Variants in LRRC1 observed in about 807,000 individuals in gnomAD.
LRRC1 encodes the protein leucine-rich repeat-containing protein 1.
A neutral mutation model predicts 69.9 loss-of-function variants in LRRC1; 28 were observed. The ratio of observed to expected loss-of-function variants is 0.40; its 90% CI spans 0.30 to 0.55. LRRC1 has a LOEUF of 0.55. Among genes scored for constraint, LRRC1 ranks in the 20% least tolerant of loss-of-function variants. The pLI, the probability that LRRC1 is intolerant of heterozygous loss-of-function variation, is 0.47. For synonymous variants in LRRC1, 236 were observed against 240.2 expected (o/e 0.98, Z 0.16); for missense variants, 498 against 609.0 (o/e 0.82, Z 1.92).
In LRRC1 at chr6:53,896,766, A is replaced by T. The variant is rs1020203167; in HGVS notation, c.504-63A>T. 1.3e-5 allele frequency: 14 copies of T among 1,085,588 alleles called. No homozygotes were observed. In the Admixed American group the frequency reaches 2.3e-4, roughly 18 times the overall value. The allele number at this position is 1,085,588 out of a possible 1,614,324, so 67.2% of individuals were successfully genotyped here. A position where few individuals can be genotyped will look rare whatever the true frequency, so the allele number is the denominator to read the frequency against. ...TTTTTGAAGCTAGTCCAAGTGAGGG[A>T]TACTATATTGCTCAGCATTTCTAAG... On this transcript the variant is annotated intron_variant, in intron 5 of 13. Coordinates refer to ENST00000370888, the MANE Select transcript of LRRC1 (RefSeq NM_018214.5).
intron 1 of LRRC1, among the ~76,000 whole-genome samples, chr6:53,811,062 G>GAA: frequency 6.6e-6 from 1 of 152,314 alleles, no homozygotes; most frequent in East Asian, 1.9e-4. Flanking sequence ...GTTAATCACA[G>GAA]AAATGCTCAA....
At chr6:53,834,748 C>T (rs1032542924) in intron 1 of LRRC1, among the ~76,000 whole-genome samples, 7 of 152,208 alleles carry the variant, frequency 4.6e-5, no homozygotes, top group Non-Finnish European at 8.8e-5. Flanking sequence ...CCGAGGCAGG[C>T]GGATCACGAG....
chr6:53,800,128 G>A (rs1764427127), intron 1 of LRRC1, among the ~76,000 whole-genome samples: 1 of 151,776 alleles, frequency 6.6e-6, no homozygotes, highest in Non-Finnish European at 1.5e-5. Context: ...GGGTTATAGA[G>A]TTATTAAAGA....
At chr6:53,826,309 A>G (rs1489089778) in intron 1 of LRRC1, among the ~76,000 whole-genome samples, 1 of 151,260 alleles carries the variant, frequency 6.6e-6, no homozygotes, top group Non-Finnish European at 1.5e-5. Context: ...TACAACCTAG[A>G]GCCTAATTTT....
chr6:53,867,399 A>G (rs1352878572), intron 2 of LRRC1, among the ~76,000 whole-genome samples: 1 of 151,252 alleles, frequency 6.6e-6, no homozygotes. Flanking sequence ...TTATATTGCT[A>G]AACTATAGAT....
chr6:53,876,685 T>G (rs1022265153), intron 2 of LRRC1, among the ~76,000 whole-genome samples: 1 of 152,180 alleles, frequency 6.6e-6, no homozygotes, highest in Non-Finnish European at 1.5e-5. Flanking sequence ...GGTCAAATCT[T>G]AAAGCTCCAA....
At chr6:53,901,875 A>G (rs961709282) in intron 8 of LRRC1, among the ~76,000 whole-genome samples, 2 of 152,096 alleles carry the variant, frequency 1.3e-5, no homozygotes, top group African/African-American at 4.8e-5. Context: ...GCCTTTCGGT[A>G]TTTTTCTTTC....
At chr6:53,876,878 G>GC (rs1767087079) in intron 2 of LRRC1, among the ~76,000 whole-genome samples, 1 of 152,166 alleles carries the variant, frequency 6.6e-6, no homozygotes, top group Non-Finnish European at 1.5e-5. Context: ...ATCTGTTGGT[G>GC]GATCTACCAT....
intron 2 of LRRC1, among the ~76,000 whole-genome samples, chr6:53,864,158 C>G (rs968584288): frequency 2.6e-5 from 4 of 152,116 alleles, no homozygotes; most frequent in African/African-American, 4.8e-5. Flanking sequence ...AATGATCCCC[C>G]CTCTGGGTGA....
chr6:53,855,598 G>A (rs1254094606), intron 2 of LRRC1, among the ~76,000 whole-genome samples: 1 of 152,204 alleles, frequency 6.6e-6, no homozygotes, highest in Non-Finnish European at 1.5e-5. Context: ...TACATTGAAT[G>A]TGCTGCCTGT....
Position 53,904,632 on chromosome 6 carries a change from A to G in LRRC1, c.990+170A>G, listed in dbSNP as rs527945952. On this transcript the variant is annotated intron_variant, in intron 10 of 13. Coordinates refer to ENST00000370888, the MANE Select transcript of LRRC1 (RefSeq NM_018214.5). ...ACTGGAGGAATTATGTCAAAGAATG[A>G]TCATCAGTAACATTAAGGAGAGTTG... 1.9e-4 allele frequency: 82 copies of G among 435,684 alleles called. 1 individual carries two copies. The South Asian group carries it at 3.3e-3, about 17-fold the overall frequency. The allele number at this position is 435,684 out of a possible 1,614,324, so 27.0% of individuals were successfully genotyped here.
intron 1 of LRRC1, among the ~76,000 whole-genome samples, chr6:53,816,866 C>G (rs1764965934): frequency 6.6e-6 from 1 of 152,202 alleles, no homozygotes; most frequent in Non-Finnish European, 1.5e-5. Flanking sequence ...TCTCTTCCCC[C>G]TTTAAAACAT....
intron 2 of LRRC1, among the ~76,000 whole-genome samples, chr6:53,862,797 G>C (rs1395164305): frequency 6.6e-6 from 1 of 152,018 alleles, no homozygotes; most frequent in Non-Finnish European, 1.5e-5. Flanking sequence ...ATGATAAATG[G>C]GATGCATTTG....
At chr6:53,883,119 T>G (rs997049266) in intron 4 of LRRC1, 143 bp downstream of exon 4, 4 of 590,964 alleles carry the variant, frequency 6.8e-6, no homozygotes, top group Non-Finnish European at 5.8e-6. Context: ...CAAGAAAGAT[T>G]ATAGCCAGCC....
At chr6:53,810,999 T>A (rs1764777160) in intron 1 of LRRC1, among the ~76,000 whole-genome samples, 1 of 152,224 alleles carries the variant, frequency 6.6e-6, no homozygotes, top group Non-Finnish European at 1.5e-5. Context: ...TATCAACTTA[T>A]CATCAGGGAC....
chr6:53,836,117 C>T (rs1765606721), intron 1 of LRRC1, among the ~76,000 whole-genome samples: 1 of 152,166 alleles, frequency 6.6e-6, no homozygotes, highest in Non-Finnish European at 1.5e-5. Flanking sequence ...GGACAGAGGC[C>T]TTGTGGAGCA....
intron 10 of LRRC1, among the ~76,000 whole-genome samples, chr6:53,905,824 A>G (rs1768215971): frequency 6.6e-6 from 1 of 152,210 alleles, no homozygotes; most frequent in Non-Finnish European, 1.5e-5. Context: ...TAATATGAAC[A>G]CTGTCATCTA....
At chr6:53,920,152 G>T (rs553601446) in intron 12 of LRRC1, among the ~76,000 whole-genome samples, 2 of 152,164 alleles carry the variant, frequency 1.3e-5, no homozygotes, top group African/African-American at 4.8e-5. Flanking sequence ...GAGGAGAACC[G>T]GAGTGTCCTG....
At chr6:53,822,888 T>C (rs1483595629) in intron 1 of LRRC1, among the ~76,000 whole-genome samples, 2 of 152,206 alleles carry the variant, frequency 1.3e-5, no homozygotes, top group African/African-American at 4.8e-5. Flanking sequence ...TGAGGAAGGC[T>C]GAGTCCAGTT....
Sources: allele counts gnomAD v4.1 joint callset (sites outside exome capture counted in the v4.1 genomes callset), GRCh38; gene constraint gnomAD v4.1.1; transcripts MANE v1.5; gene names NCBI Gene and HGNC (gene_info 2026-07-23, HGNC 2026-07-21).